Variants in FAM184A observed in about 807,000 individuals in gnomAD.
FAM184A encodes the protein family with sequence similarity 184 member A.
Under a neutral mutation model 143.8 loss-of-function variants are expected in FAM184A, and 99 were observed. The observed-to-expected ratio is 0.69, with a 90% CI of 0.58 to 0.81. The LOEUF (loss-of-function observed/expected upper bound fraction) is 0.81. Among genes scored for constraint, FAM184A ranks in the 40% least tolerant of loss-of-function variants. The probability of loss-of-function intolerance (pLI) is 0.00; values close to 1 mark genes in which losing one functional copy is unlikely to be tolerated. For synonymous variants in FAM184A, 427 were observed against 446.4 expected (o/e 0.96, Z 0.55); for missense variants, 1,217 against 1,310.5 (o/e 0.93, Z 1.10).
At chr6:119,078,963 T>TA (rs913714640), upstream of FAM184A, 313 of 146,326 alleles carry the variant, frequency 2.1e-3, 2 homozygotes, top group African/African-American at 3.4e-3. This position sits in a 1 kb window ranked among gnomAD's most constrained non-coding sequence, Gnocchi z 5.5. Flanking sequence ...AGGCCTGACG[T>TA]AAAAAAAAAA....
chr6:119,048,994 A>G (rs1366172693), intron 1 of FAM184A, among the ~76,000 whole-genome samples: 1 of 152,250 alleles, frequency 6.6e-6, no homozygotes, highest in Non-Finnish European at 1.5e-5. Flanking sequence ...TCTTCACAGA[A>G]CTACAAAAAA....
At chr6:119,117,303 G>C (rs979922635) in intron 1 of FAM184A, among the ~76,000 whole-genome samples, 1 of 152,232 alleles carries the variant, frequency 6.6e-6, no homozygotes, top group African/African-American at 2.4e-5. Flanking sequence ...CATGTACATA[G>C]TGGTGCCCTT....
intron 9 of FAM184A, among the ~76,000 whole-genome samples, chr6:118,992,865 GACCAC>G (rs1387858044): frequency 6.6e-6 from 1 of 152,146 alleles, no homozygotes; most frequent in Non-Finnish European, 1.5e-5. Context: ...AGGGGGTCAA[GACCAC>G]ACTGAGCCAT....
intron 1 of FAM184A, among the ~76,000 whole-genome samples, chr6:119,044,197 T>C (rs1332214050): frequency 1.3e-5 from 2 of 152,132 alleles, no homozygotes; most frequent in Non-Finnish European, 1.5e-5. Context: ...AAAAGAAATA[T>C]AAGGCATCCA....
intron 1 of FAM184A, among the ~76,000 whole-genome samples, chr6:119,029,157 C>A (rs1303424336): frequency 6.6e-6 from 1 of 152,054 alleles, no homozygotes; most frequent in African/African-American, 2.4e-5. Context: ...TCAGTCCTAG[C>A]CACAAGGAAG....
At chr6:119,121,733 G>C (rs141912539) in intron 1 of FAM184A, among the ~76,000 whole-genome samples, 165 of 152,264 alleles carry the variant, frequency 1.1e-3, no homozygotes, top group African/African-American at 3.8e-3. Context: ...ATGCTAAATA[G>C]TTTAGGAGGC....
chr6:119,117,016 C>T (rs1044634958), intron 1 of FAM184A, among the ~76,000 whole-genome samples: 1 of 152,164 alleles, frequency 6.6e-6, no homozygotes, highest in Non-Finnish European at 1.5e-5. Context: ...ATAGTATCTG[C>T]ATTTTAGAAA....
At chr6:119,113,787 C>A (rs1326595097) in intron 1 of FAM184A, among the ~76,000 whole-genome samples, 1 of 152,014 alleles carries the variant, frequency 6.6e-6, no homozygotes, top group African/African-American at 2.4e-5. Context: ...ACTAAAAATA[C>A]AAAAATTAGC....
At chr6:119,038,086 G>A (rs1239019056) in intron 1 of FAM184A, among the ~76,000 whole-genome samples, 1 of 152,104 alleles carries the variant, frequency 6.6e-6, no homozygotes. Flanking sequence ...CAGGTGGGGA[G>A]CCGAGATAAG....
intron 9 of FAM184A, among the ~76,000 whole-genome samples, chr6:118,995,262 CAA>C (rs1784511708): frequency 1.3e-5 from 2 of 151,826 alleles, no homozygotes; most frequent in African/African-American, 4.8e-5. Flanking sequence ...ACAAAAAATG[CAA>C]AAATTAACTG....
intron 1 of FAM184A, among the ~76,000 whole-genome samples, chr6:119,087,027 C>A: frequency 6.6e-6 from 1 of 152,188 alleles, no homozygotes; most frequent in Non-Finnish European, 1.5e-5. Flanking sequence ...TCCTAGCACA[C>A]GATACATGGT....
chr6:119,048,393 G>A, intron 1 of FAM184A, among the ~76,000 whole-genome samples: 1 of 152,124 alleles, frequency 6.6e-6, no homozygotes, highest in Non-Finnish European at 1.5e-5. Flanking sequence ...AATCACACAA[G>A]AGAAAGAAAT....
intron 1 of FAM184A, among the ~76,000 whole-genome samples, chr6:119,035,825 T>A (rs1341189176): frequency 6.6e-6 from 1 of 152,176 alleles, no homozygotes; most frequent in Non-Finnish European, 1.5e-5. Flanking sequence ...TTGTCGCACC[T>A]TTCCCAATGG....
chr6:118,992,399 T>C (rs1272406146), intron 9 of FAM184A, among the ~76,000 whole-genome samples: 1 of 152,100 alleles, frequency 6.6e-6, no homozygotes, highest in African/African-American at 2.4e-5. Context: ...TAACCTCCAG[T>C]GTGAGGATAA....
chr6:119,023,343 A>G lies in FAM184A; in HGVS notation c.1015-263T>C, dbSNP rs150007581. Among the ~76,000 whole-genome samples the G allele has an allele frequency of 1.7e-3, 262 of 152,312 alleles. 1 individual carries two copies. Among genetic ancestry groups the G allele is most frequent in the African/African-American group, 5.8e-3 (242 of 41,550 alleles). On this transcript the variant is annotated intron_variant, in intron 2 of 17. Transcript: ENST00000338891. Reference sequence around the variant, plus strand: ...TGGCTATGAAATTTTCTAAGCCAACAAAACAAAACTTGTGGACTTCCGGCA... The same window carrying G: ...TGGCTATGAAATTTTCTAAGCCAACGAAACAAAACTTGTGGACTTCCGGCA...
intron 1 of FAM184A, among the ~76,000 whole-genome samples, chr6:119,062,965 A>C (rs904900149): frequency 6.6e-6 from 1 of 152,222 alleles, no homozygotes; most frequent in Non-Finnish European, 1.5e-5. Flanking sequence ...CATTTAACAC[A>C]GTATCTCTCC....
intron 14 of FAM184A, among the ~76,000 whole-genome samples, chr6:118,970,712 G>C (rs1167183664): frequency 2.6e-5 from 4 of 152,028 alleles, no homozygotes; most frequent in African/African-American, 4.8e-5. Flanking sequence ...TCCATTAAAA[G>C]TAATAGAAGA....
chr6:119,134,463 G>A (rs562539338), intron 1 of FAM184A, among the ~76,000 whole-genome samples: 1 of 152,012 alleles, frequency 6.6e-6, no homozygotes, highest in Non-Finnish European at 1.5e-5. Context: ...ACCAGCCTGA[G>A]CAATGTAGAG....
At chr6:119,048,256 A>T (rs1786613052) in intron 1 of FAM184A, among the ~76,000 whole-genome samples, 1 of 152,188 alleles carries the variant, frequency 6.6e-6, no homozygotes, top group Admixed American at 6.5e-5. Context: ...ATCTATGACA[A>T]ACCCACAGCC....
Sources: allele counts gnomAD v4.1 joint callset (sites outside exome capture counted in the v4.1 genomes callset), GRCh38; gene constraint gnomAD v4.1.1; non-coding constraint Gnocchi (gnomAD v3.1); transcripts MANE v1.5; gene names NCBI Gene and HGNC (gene_info 2026-07-23, HGNC 2026-07-21).